RBM42: variants seen among roughly 807,000 people sequenced by gnomAD.
The protein encoded by RBM42 is RNA-binding protein 42.
In RBM42, 21 loss-of-function variants were observed where a neutral mutation model predicts 41.4. The ratio of observed to expected loss-of-function variants is 0.51; its 90% CI spans 0.36 to 0.73. The LOEUF is 0.73. Among genes scored for constraint, RBM42 ranks in the 30% least tolerant of loss-of-function variants. The pLI is 0.00. For synonymous variants in RBM42, 272 were observed against 271.2 expected, an observed-to-expected ratio of 1.00 and a Z score of -0.03; for missense variants, 539 against 680.4, an observed-to-expected ratio of 0.79 and a Z score of 2.31.
intron 8 of RBM42, among the ~76,000 whole-genome samples, chr19:35,635,659 T>G (rs777521928): frequency 2.3e-4 from 35 of 152,026 alleles, no homozygotes; most frequent in Non-Finnish European, 4.4e-4. Flanking sequence ...TAGCTGGGAC[T>G]ACAGGCGCGC....
At chr19:35,629,896 C>T (rs528087156) in intron 2 of RBM42, among the ~76,000 whole-genome samples, 59 of 152,258 alleles carry the variant, frequency 3.9e-4, no homozygotes, top group Non-Finnish European at 7.1e-4. Flanking sequence ...TCTGCAATGA[C>T]GAGACTGTTC....
chr19:35,630,491 G>A (rs1440640855), intron 2 of RBM42, among the ~76,000 whole-genome samples: 1 of 152,022 alleles, frequency 6.6e-6, no homozygotes, highest in Non-Finnish European at 1.5e-5. Context: ...CTGGTGGCCA[G>A]GCACGGTTGC....
intron 8 of RBM42, among the ~76,000 whole-genome samples, 154 bp downstream of exon 8, chr19:35,634,527 G>T (rs1391314356): frequency 6.6e-6 from 1 of 152,152 alleles, no homozygotes; most frequent in Admixed American, 6.5e-5. Context: ...TCAGGGGCTG[G>T]TTCTTCACCT....
At chr19:35,629,921 T>C (rs1234487945) in intron 2 of RBM42, among the ~76,000 whole-genome samples, 1 of 152,224 alleles carries the variant, frequency 6.6e-6, no homozygotes, top group Non-Finnish European at 1.5e-5. Context: ...ATATTTAAAA[T>C]TTATATTTAA....
intron 1 of RBM42, 110 bp from the exon 2 acceptor site, chr19:35,629,410 G>A: frequency 6.5e-7 from 1 of 1,539,202 alleles, no homozygotes; most frequent in Non-Finnish European, 8.8e-7. Context: ...GGGATTGTGG[G>A]GGCGGGGATA....
intron 4 of RBM42, 177 bp downstream of exon 4, chr19:35,631,582 C>G: frequency 1.4e-5 from 9 of 647,426 alleles, no homozygotes; most frequent in Non-Finnish European, 2.4e-5. Context: ...TTTGTTTTAA[C>G]CTGATCATTG....
chr19:35,630,634 C>G (rs1264936490), intron 2 of RBM42, among the ~76,000 whole-genome samples: 2 of 151,986 alleles, frequency 1.3e-5, no homozygotes, highest in Non-Finnish European at 2.9e-5. Context: ...GGCGTGTCGG[C>G]GGGCGCCTAT....
intron 2 of RBM42, 107 bp from the exon 3 acceptor site, chr19:35,631,033 C>A: frequency 1.0e-6 from 1 of 984,108 alleles, no homozygotes; most frequent in Non-Finnish European, 1.6e-6. Context: ...AGATAGCCAG[C>A]CACATACAGA....
At position 35,629,181 on chromosome 19, in the gene RBM42, C is replaced by T; in HGVS notation, c.28C>T (p.Leu10Phe). ...GGCTGGGGCGGGGCCAGCCCCGGGA[C>T]TCCCGGGTGCAGGAGGACCCGTGGT... is the stretch of plus-strand genomic sequence containing the variant. MAGAGPAPG[L>F]PGAGGPVVPG... The change falls in exon 1 of 10, where the codon CTC (leucine) becomes TTC (phenylalanine). Residue 10 changes from leucine (L) to phenylalanine (F), a missense_variant. By Grantham distance (22) the Leu-to-Phe change is conservative (BLOSUM62 0). This residue lies in a region of RBM42 where 429 missense variants were observed against 488.9 expected (regional missense o/e 0.88). Coordinates refer to ENST00000262633, the MANE Select transcript of RBM42 (RefSeq NM_024321.5). 1 of 1,526,488 alleles carries T rather than the reference C, an allele frequency of 6.6e-7. No individual in the cohort carries two copies. Among genetic ancestry groups the T allele is most frequent in the East Asian group, 2.5e-5 (1 of 40,500 alleles). The allele number at this position is 1,526,488 out of a possible 1,614,324, so 94.6% of individuals were successfully genotyped here.
chr19:35,637,675 G>T lies in RBM42; in HGVS notation c.*121G>T. ...CCAAAACCAGTTTCAATAAATTTAC[G>T]TTCATTTCCACCCCTGGCTGGGCAT... On this transcript the variant is annotated 3_prime_UTR_variant, in exon 10 of 10. Coordinates refer to ENST00000262633, the MANE Select transcript of RBM42 (RefSeq NM_024321.5). The surrounding 1 kb of genome is among the most constrained non-coding windows in gnomAD (Gnocchi z 7.0). 1.3e-6 allele frequency: 1 copy of T among 759,862 alleles called. No homozygotes were observed. The highest frequency in any genetic ancestry group is 2.2e-6 in the Non-Finnish European group (1 of 462,090). 47.1% of individuals were successfully genotyped at this position (759,862 alleles called of 1,614,324 possible). A position where few individuals can be genotyped will look rare whatever the true frequency, so the allele number is the denominator to read the frequency against.
intron 8 of RBM42, among the ~76,000 whole-genome samples, chr19:35,636,168 C>G (rs138019240): frequency 4.2e-5 from 5 of 119,696 alleles, no homozygotes; most frequent in African/African-American, 1.6e-4. Context: ...TTTTTTTTTT[C>G]TTTTTTTTGA....
rs753900627 is a variant in RBM42, at chr19:35,637,228, C to T, written c.1206C>T (p.Ser402=). The change falls in exon 9 of 10, where the codon AGC becomes AGT. Residue 402 remains serine (S), a synonymous_variant. Coordinates refer to ENST00000262633, the MANE Select transcript of RBM42 (RefSeq NM_024321.5). The surrounding 1 kb of genome is among the most constrained non-coding windows in gnomAD (Gnocchi z 7.0). ...ATGACATCTTGGCACGCGCCTTCAGCCGCTTCCCATCCTTCCTTAAGGCCA... is the reference window on the plus strand; with the variant it reads ...ATGACATCTTGGCACGCGCCTTCAGTCGCTTCCCATCCTTCCTTAAGGCCA... The part of the protein sequence containing the change: ...VNDDILARAF[S]RFPSFLKAKV... 1 of 1,614,200 alleles carries T rather than the reference C, an allele frequency of 6.2e-7. No individual in the cohort carries two copies. The highest frequency in any genetic ancestry group is 8.5e-7 in the Non-Finnish European group (1 of 1,180,038).
intron 8 of RBM42, among the ~76,000 whole-genome samples, chr19:35,635,821 C>T (rs562841607): frequency 6.6e-6 from 1 of 152,046 alleles, no homozygotes; most frequent in African/African-American, 2.4e-5. Context: ...CGCCCAGCCT[C>T]GATTATATCT....
In RBM42 at chr19:35,634,697, C is replaced by T. The variant is rs190686537; in HGVS notation, c.1135+324C>T. ...TTTATGAGACAGAGTACCACTCTGTCGCCCAGGCTGCAGTGCAGTGGCGCA... is the reference window on the plus strand; with the variant it reads ...TTTATGAGACAGAGTACCACTCTGTTGCCCAGGCTGCAGTGCAGTGGCGCA... On this transcript the variant is annotated intron_variant, in intron 8 of 9. Transcript: ENST00000262633. 5.9e-3 allele frequency among the ~76,000 whole-genome samples: 865 copies of T among 145,912 alleles called. 9 individuals are homozygous for T. The highest frequency in any genetic ancestry group is 0.021 in the African/African-American group (820 of 39,074).
At chr19:35,632,610 C>T (rs923520388) in intron 4 of RBM42, among the ~76,000 whole-genome samples, 1 of 152,102 alleles carries the variant, frequency 6.6e-6, no homozygotes, top group African/African-American at 2.4e-5. Flanking sequence ...TTCCCTGCTT[C>T]CAGCGCTGGT....
intron 8 of RBM42, among the ~76,000 whole-genome samples, chr19:35,635,159 C>G (rs1967474320): frequency 6.6e-6 from 1 of 151,134 alleles, no homozygotes; most frequent in South Asian, 2.1e-4. Flanking sequence ...TCTAAAAATA[C>G]AAAAAAATTA....
chr19:35,635,683 G>A (rs1967485218), intron 8 of RBM42, among the ~76,000 whole-genome samples: 1 of 152,106 alleles, frequency 6.6e-6, no homozygotes, highest in Non-Finnish European at 1.5e-5. Context: ...ACCATGCTTG[G>A]CTAATTTTTG....
rs752137603 is a variant in RBM42 at position 35,637,579 on chromosome 19, C to T, written c.*25C>T. On this transcript the variant is annotated 3_prime_UTR_variant, in exon 10 of 10. Transcript: ENST00000262633. The surrounding 1 kb of genome is among the most constrained non-coding windows in gnomAD (Gnocchi z 7.0). ...GGGTCTGTGGCCAGGCACCCGCTCCCACCTGGCCGGGCGCTGGCTCCTCCC... is the reference window on the plus strand; with the variant it reads ...GGGTCTGTGGCCAGGCACCCGCTCCTACCTGGCCGGGCGCTGGCTCCTCCC... The T allele has an allele frequency of 1.3e-6, 2 of 1,583,134 alleles. No homozygotes were observed. The highest frequency in any genetic ancestry group is 1.7e-4 in the Middle Eastern group (1 of 5,866).
intron 8 of RBM42, among the ~76,000 whole-genome samples, chr19:35,635,165 A>G (rs918182340): frequency 6.6e-6 from 1 of 151,544 alleles, no homozygotes; most frequent in African/African-American, 2.4e-5. Context: ...AATACAAAAA[A>G]ATTAGCCAGG....
Sources: gnomAD v4.1 joint callset for allele counts (sites outside exome capture counted in the v4.1 genomes callset) on GRCh38, gnomAD v4.1.1 for gene constraint, gnomAD v4.1.1 regional missense constraint, Gnocchi (gnomAD v3.1) non-coding constraint, MANE v1.5 for transcripts, NCBI Gene and HGNC (gene_info 2026-07-23, HGNC 2026-07-21) for gene names.